FARS2: variants seen among roughly 807,000 people sequenced by gnomAD.
The protein encoded by FARS2 is phenylalanyl-tRNA synthetase 2, mitochondrial.
In FARS2, 40 loss-of-function variants were observed where a neutral mutation model predicts 46.4. That is an observed-to-expected ratio of 0.86 (90% CI 0.67 to 1.12). The LOEUF (loss-of-function observed/expected upper bound fraction) is 1.12, where lower values mean the gene tolerates loss of function less well. FARS2 is among the 50% of genes most tolerant of loss of function. FARS2 has a pLI of 0.00. For missense variants in FARS2, 513 were observed against 567.9 expected, an observed-to-expected ratio of 0.90 and a Z score of 0.98; for synonymous variants, 234 against 214.9, an observed-to-expected ratio of 1.09 and a Z score of -0.78.
chr6:5,322,677 A>T (rs1434284660), intron 1 of FARS2, among the ~76,000 whole-genome samples: 1 of 152,184 alleles, frequency 6.6e-6, no homozygotes, highest in African/African-American at 2.4e-5. Flanking sequence ...GACAGCCGTC[A>T]CACAGAGGGA....
chr6:5,279,611 A>C (rs1050420605), intron 1 of FARS2, among the ~76,000 whole-genome samples: 1 of 150,526 alleles, frequency 6.6e-6, no homozygotes, highest in African/African-American at 2.4e-5. Flanking sequence ...AAAATAAGGA[A>C]GACGAGATCT....
At chr6:5,302,468 G>A (rs1233968124) in intron 1 of FARS2, among the ~76,000 whole-genome samples, 4 of 152,058 alleles carry the variant, frequency 2.6e-5, no homozygotes, top group East Asian at 1.9e-4. Flanking sequence ...TCTGGCCTTG[G>A]GGAGTTGAAG....
intron 1 of FARS2, among the ~76,000 whole-genome samples, chr6:5,269,134 T>A (rs924179566): frequency 6.6e-6 from 1 of 152,186 alleles, no homozygotes; most frequent in Non-Finnish European, 1.5e-5. Flanking sequence ...GTGGCACATA[T>A]ACACCATGGA....
At chr6:5,351,512 G>C (rs767875379) in intron 1 of FARS2, among the ~76,000 whole-genome samples, 9 of 152,180 alleles carry the variant, frequency 5.9e-5, no homozygotes, top group Non-Finnish European at 1.2e-4. Flanking sequence ...ATTTTCAGCT[G>C]TTCTTTGATA....
intron 6 of FARS2, among the ~76,000 whole-genome samples, chr6:5,707,808 C>T (rs1758852544): frequency 6.6e-6 from 1 of 152,186 alleles, no homozygotes; most frequent in Admixed American, 6.5e-5. Flanking sequence ...CCCTGGGTAG[C>T]CTCGGGGCCC....
chr6:5,552,366 A>AGGAAACTCT (rs1274290826), intron 5 of FARS2, among the ~76,000 whole-genome samples: 7 of 152,338 alleles, frequency 4.6e-5, no homozygotes, highest in African/African-American at 1.7e-4. Context: ...TCCCCTGGCC[A>AGGAAACTCT]GGAAACTCTG....
chr6:5,512,668 C>G (rs1036743229), intron 4 of FARS2, among the ~76,000 whole-genome samples: 2 of 151,882 alleles, frequency 1.3e-5, no homozygotes, highest in African/African-American at 4.8e-5. Flanking sequence ...GTGATAAAGA[C>G]ATTGATAATT....
intron 4 of FARS2, among the ~76,000 whole-genome samples, chr6:5,542,817 C>G (rs929031769): frequency 2.0e-5 from 3 of 152,020 alleles, no homozygotes; most frequent in South Asian, 2.1e-4. Context: ...TCTGATTTCC[C>G]TTGTGATGAC....
intron 4 of FARS2, among the ~76,000 whole-genome samples, chr6:5,542,938 G>T (rs78076278): frequency 0.011 from 1,673 of 152,126 alleles, 21 homozygotes; most frequent in African/African-American, 0.037. Flanking sequence ...TTTGGACATA[G>T]AACTTTTTTT....
At chr6:5,381,557 A>C (rs1288070461) in intron 2 of FARS2, among the ~76,000 whole-genome samples, 1 of 152,182 alleles carries the variant, frequency 6.6e-6, no homozygotes, top group African/African-American at 2.4e-5. Flanking sequence ...GGTAATTCCC[A>C]ATCTCAGTCT....
intron 5 of FARS2, among the ~76,000 whole-genome samples, chr6:5,586,502 G>A (rs1490483439): frequency 6.6e-6 from 1 of 152,074 alleles, no homozygotes; most frequent in Non-Finnish European, 1.5e-5. Flanking sequence ...TTATTGATTT[G>A]TGTATGTTCA....
chr6:5,356,606 G>A (rs535211922), intron 1 of FARS2, among the ~76,000 whole-genome samples: 152 of 152,306 alleles, frequency 1.0e-3, no homozygotes, highest in Middle Eastern at 3.4e-3. Flanking sequence ...ATGAGTGATA[G>A]TGCTATTGGC....
chr6:5,477,715 TC>T (rs770378414), intron 4 of FARS2, among the ~76,000 whole-genome samples: 9 of 152,246 alleles, frequency 5.9e-5, no homozygotes, highest in Non-Finnish European at 1.3e-4. Context: ...AGCAAATAAA[TC>T]CATATCAAAT....
chr6:5,712,596 A>G (rs1759243012), intron 6 of FARS2, among the ~76,000 whole-genome samples: 1 of 152,188 alleles, frequency 6.6e-6, no homozygotes, highest in South Asian at 2.1e-4. Context: ...GGGCTAGGAG[A>G]AGCGAATTCA....
chr6:5,548,850 G>T lies in FARS2; in HGVS notation c.1065+3510G>T, dbSNP rs960602125. Among the ~76,000 whole-genome samples the T allele has an allele frequency of 6.6e-5, 10 of 152,020 alleles. No individual in the cohort carries two copies. In the East Asian group the frequency reaches 1.9e-3, roughly 29 times the overall value. Reference sequence around the variant, plus strand: ...ATATAATTTTTATAGTTGTCTTTGTGTAACAAACTTAAGAACTTCTAACGG... The same window carrying T: ...ATATAATTTTTATAGTTGTCTTTGTTTAACAAACTTAAGAACTTCTAACGG... On this transcript the variant is annotated intron_variant, in intron 5 of 6. Transcript: ENST00000274680.
At chr6:5,491,730 C>T (rs1767126318) in intron 4 of FARS2, among the ~76,000 whole-genome samples, 1 of 152,182 alleles carries the variant, frequency 6.6e-6, no homozygotes, top group African/African-American at 2.4e-5. Flanking sequence ...TGTAATCTTA[C>T]CCTCTTTCTC....
At chr6:5,586,848 T>A (rs1456205335) in intron 5 of FARS2, among the ~76,000 whole-genome samples, 1 of 152,134 alleles carries the variant, frequency 6.6e-6, no homozygotes, top group South Asian at 2.1e-4. Flanking sequence ...AGGATTGGCT[T>A]TTTGGTGTAC....
At position 5,653,027 on chromosome 6, in the gene FARS2, C is replaced by T. The variant is rs59826014; in HGVS notation, c.1217+39707C>T. Among the ~76,000 whole-genome samples, 17 of 152,284 alleles carry T rather than the reference C, an allele frequency of 1.1e-4. No homozygotes were observed. In the East Asian group the frequency reaches 2.3e-3, roughly 21 times the overall value. ...GTGTGTATTTATAAAGCATGCCATA[C>T]GCCGTTTGTTCAGTGCAATATGCCA... On this transcript the variant is annotated intron_variant, in intron 6 of 6. Coordinates refer to ENST00000274680, the MANE Select transcript of FARS2 (RefSeq NM_006567.5).
At chr6:5,273,851 T>C (rs1766140752) in intron 1 of FARS2, among the ~76,000 whole-genome samples, 1 of 152,172 alleles carries the variant, frequency 6.6e-6, no homozygotes, top group Non-Finnish European at 1.5e-5. Context: ...TTTTTGTATA[T>C]GGTGAGAGAT....
Sources: gnomAD v4.1 joint callset for allele counts (sites outside exome capture counted in the v4.1 genomes callset) on GRCh38, gnomAD v4.1.1 for gene constraint, MANE v1.5 for transcripts, NCBI Gene and HGNC (gene_info 2026-07-23, HGNC 2026-07-21) for gene names.